The following RASA3 variants were observed in gnomAD, a reference collection of about 807,000 sequenced individuals.
RASA3 encodes the protein RAS p21 protein activator 3, also known as ras GTPase-activating protein 3.
A neutral mutation model predicts 110.0 loss-of-function variants in RASA3; 73 were observed. The observed-to-expected ratio is 0.66, with a 90% CI of 0.55 to 0.81. RASA3 has a LOEUF of 0.81. Ranked by LOEUF, RASA3 falls within the 30% of genes least tolerant of loss-of-function variation. The probability of loss-of-function intolerance (pLI) is 0.00; values close to 1 mark genes in which losing one functional copy is unlikely to be tolerated. For synonymous variants in RASA3, 500 were observed against 451.4 expected (o/e 1.11, Z -1.37); for missense variants, 976 against 1,113.2 (o/e 0.88, Z 1.75).
At chr13:114,030,520 A>AG (rs1566502051) in intron 4 of RASA3, among the ~76,000 whole-genome samples, 132 of 97,522 alleles carry the variant, frequency 1.4e-3, no homozygotes, top group African/African-American at 4.9e-3. Context: ...TCACACAGAG[A>AG]GCAAGACTCA....
chr13:114,100,722 C>T (rs2080047361), intron 1 of RASA3, among the ~76,000 whole-genome samples: 1 of 152,180 alleles, frequency 6.6e-6, no homozygotes, highest in Non-Finnish European at 1.5e-5. Flanking sequence ...CTCTCTGCTG[C>T]CCGGACCTGT....
chr13:114,018,838 G>A lies in RASA3; in HGVS notation c.867C>T (p.Tyr289=), dbSNP rs546375290. The A allele has an allele frequency of 3.7e-6, 6 of 1,613,914 alleles. No individual in the cohort carries two copies. Among genetic ancestry groups the A allele is most frequent in the Middle Eastern group, 1.6e-4 (1 of 6,062 alleles). ...DLGSLRLNVV[Y]TEDHVFSSDY... is the part of the protein sequence containing the mutation. The stretch of plus-strand genomic sequence containing the variant: ...CAGAAGAAAACACGTGGTCTTCCGT[G>A]TATACCACGTTCAGCCGCAGGGAGC... The change falls in exon 10 of 24, where the codon TAC becomes TAT. Residue 289 remains tyrosine (Y), a synonymous_variant. Coordinates refer to ENST00000334062, the MANE Select transcript of RASA3 (RefSeq NM_007368.4).
In RASA3 at chr13:114,073,658, T is replaced by C. The variant is rs2079617527; in HGVS notation, c.173+62A>G. 2.2e-6 allele frequency: 3 copies of C among 1,333,500 alleles called. No individual in the cohort carries two copies. In the East Asian group the frequency reaches 6.9e-5, roughly 31 times the overall value. The allele number at this position is 1,333,500 out of a possible 1,614,324, so 82.6% of individuals were successfully genotyped here. Reference sequence around the variant, plus strand: ...AAAATGGGAAGGTGACGTACACCCTTGGGACATTCTCTACACCAAAGAAAA... The same window carrying C: ...AAAATGGGAAGGTGACGTACACCCTCGGGACATTCTCTACACCAAAGAAAA... On this transcript the variant is annotated intron_variant, in intron 2 of 23. Transcript: ENST00000334062.
intron 2 of RASA3, among the ~76,000 whole-genome samples, chr13:114,066,882 T>A (rs1291973649): frequency 6.6e-6 from 1 of 152,014 alleles, no homozygotes; most frequent in Non-Finnish European, 1.5e-5. Context: ...TGGCCTGGGG[T>A]GCTCTGGGGC....
intron 2 of RASA3, among the ~76,000 whole-genome samples, chr13:114,052,953 T>C (rs2079174113): frequency 8.4e-6 from 1 of 119,194 alleles, no homozygotes; most frequent in African/African-American, 3.4e-5. Flanking sequence ...TCCTCGCTCC[T>C]GGGGGAGAAA....
chr13:114,078,899 C>A (rs1475788822), intron 1 of RASA3, among the ~76,000 whole-genome samples: 1 of 152,348 alleles, frequency 6.6e-6, no homozygotes, highest in African/African-American at 2.4e-5. Context: ...CGGAGCCACA[C>A]CCCTGTACCC....
chr13:114,076,067 A>G (rs1021447078), intron 1 of RASA3, among the ~76,000 whole-genome samples: 4 of 151,938 alleles, frequency 2.6e-5, no homozygotes, highest in African/African-American at 9.7e-5. Context: ...GCCCACACGG[A>G]GCAGCTCTCA....
chr13:114,117,173 C>G (rs1157996127), intron 1 of RASA3, among the ~76,000 whole-genome samples: 44 of 22,856 alleles, frequency 1.9e-3, no homozygotes, highest in East Asian at 2.5e-3. Flanking sequence ...ACGTGTGTGA[C>G]AGATGCATGT....
intron 18 of RASA3, among the ~76,000 whole-genome samples, chr13:114,002,866 C>T (rs1274193124): frequency 4.6e-5 from 7 of 152,294 alleles, no homozygotes; most frequent in East Asian, 1.9e-4. Flanking sequence ...GAAAGCAGCT[C>T]GGCCCCGCGC....
Position 114,131,321 on chromosome 13 carries a change from A to G in RASA3, c.55+1114T>C, listed in dbSNP as rs578170165. Reference sequence around the variant, plus strand: ...TCAGTGGGGGAGAAGGACCGTGGGGACCGCGACACTGCAGGCCCTGGAAGC... The same window carrying G: ...TCAGTGGGGGAGAAGGACCGTGGGGGCCGCGACACTGCAGGCCCTGGAAGC... On this transcript the variant is annotated intron_variant, in intron 1 of 23. Coordinates refer to ENST00000334062, the MANE Select transcript of RASA3 (RefSeq NM_007368.4). 4.1e-4 allele frequency among the ~76,000 whole-genome samples: 62 copies of G among 152,054 alleles called. 1 individual carries two copies. Among genetic ancestry groups the G allele is most frequent in the Middle Eastern group, 6.8e-3 (2 of 294 alleles).
chr13:114,108,971 C>T (rs571405117), intron 1 of RASA3, among the ~76,000 whole-genome samples: 30 of 152,316 alleles, frequency 2.0e-4, no homozygotes, highest in African/African-American at 6.7e-4. Context: ...TCCCGGCGGA[C>T]GGTGGCAGGG....
At chr13:114,095,401 C>T (rs2079929598) in intron 1 of RASA3, among the ~76,000 whole-genome samples, 1 of 152,104 alleles carries the variant, frequency 6.6e-6, no homozygotes, top group Admixed American at 6.5e-5. Flanking sequence ...CTCCCATCTC[C>T]CCTCCCTACA....
intron 23 of RASA3, among the ~76,000 whole-genome samples, chr13:113,980,594 A>G (rs960734483): frequency 5.3e-5 from 8 of 152,280 alleles, no homozygotes; most frequent in Non-Finnish European, 1.0e-4. Flanking sequence ...CATGAGGTTG[A>G]TGGACCTGCT....
At chr13:114,030,420 T>G in intron 4 of RASA3, among the ~76,000 whole-genome samples, 1 of 78,294 alleles carries the variant, frequency 1.3e-5, no homozygotes, top group Non-Finnish European at 3.0e-5. Flanking sequence ...AGAGCAAGAC[T>G]CACACAGAGG....
At chr13:114,068,896 G>A (rs2079503559) in intron 2 of RASA3, among the ~76,000 whole-genome samples, 1 of 152,188 alleles carries the variant, frequency 6.6e-6, no homozygotes, top group Non-Finnish European at 1.5e-5. Context: ...ACTTCGATGC[G>A]TTCTGAAGTT....
At chr13:114,055,432 G>A (rs1435197796) in intron 2 of RASA3, among the ~76,000 whole-genome samples, 3 of 152,240 alleles carry the variant, frequency 2.0e-5, no homozygotes, top group Non-Finnish European at 4.4e-5. Context: ...GGCCTCCCTG[G>A]AGAAGCTTGG....
intron 18 of RASA3, among the ~76,000 whole-genome samples, chr13:114,002,835 C>G (rs2053435649): frequency 1.3e-5 from 2 of 152,206 alleles, no homozygotes; most frequent in African/African-American, 4.8e-5. Context: ...GGAGCCACGG[C>G]TAAGCCGGAA....
chr13:114,016,345 A>C, intron 12 of RASA3, 74 bp from the exon 13 acceptor site: 12 of 1,151,388 alleles, frequency 1.0e-5, no homozygotes, highest in Non-Finnish European at 1.4e-5. Flanking sequence ...AAGGGGTCTC[A>C]GGCCTGGCTG....
intron 15 of RASA3, among the ~76,000 whole-genome samples, chr13:114,012,894 C>T (rs1234255343): frequency 7.3e-6 from 1 of 137,756 alleles, no homozygotes; most frequent in Non-Finnish European, 1.6e-5. Context: ...TTCCACATGC[C>T]TTCCACACTC....
Sources: allele counts gnomAD v4.1 joint callset (sites outside exome capture counted in the v4.1 genomes callset), GRCh38; gene constraint gnomAD v4.1.1; transcripts MANE v1.5; gene names NCBI Gene and HGNC (gene_info 2026-07-23, HGNC 2026-07-21).